The following TNNI3K variants were observed in gnomAD, a reference collection of about 807,000 sequenced individuals.
TNNI3K encodes the protein TNNI3 interacting kinase, also known as serine/threonine-protein kinase TNNI3K.
Under a neutral mutation model 114.5 loss-of-function variants are expected in TNNI3K, and 140 were observed. The observed-to-expected ratio is 1.22, with a 90% CI of 1.07 to 1.41. The LOEUF is 1.41. TNNI3K is among the 40% of genes most tolerant of loss of function. The pLI is 0.00. For synonymous variants in TNNI3K, 347 were observed against 347.5 expected, an observed-to-expected ratio of 1.00 and a Z score of 0.02; for missense variants, 1,125 against 1,007.6, an observed-to-expected ratio of 1.12 and a Z score of -1.58.
chr1:74,512,173 G>T (rs1670261611), intron 23 of TNNI3K, among the ~76,000 whole-genome samples: 1 of 152,122 alleles, frequency 6.6e-6, no homozygotes, highest in Non-Finnish European at 1.5e-5. Flanking sequence ...AACCTGTGAG[G>T]GACCATAAAG....
At position 74,481,025 on chromosome 1, in the gene TNNI3K, G is replaced by T. The variant is rs377374979; in HGVS notation, c.2122-8164G>T. The stretch of plus-strand genomic sequence containing the variant: ...GGTACACATGAGTGGGAGGGAGGGG[G>T]TATGGTGGAGAGCAGAGAATCAATA... On this transcript the variant is annotated intron_variant, in intron 21 of 24. Transcript: ENST00000326637. 1.1e-5 allele frequency: 7 copies of T among 648,928 alleles called. No homozygotes were observed. The Admixed American group carries it at 1.2e-4, about 11-fold the overall frequency. The allele number at this position is 648,928 out of a possible 1,614,324, so 40.2% of individuals were successfully genotyped here. A position where few individuals can be genotyped will look rare whatever the true frequency, so the allele number is the denominator to read the frequency against.
intron 20 of TNNI3K, among the ~76,000 whole-genome samples, chr1:74,440,201 G>A (rs1459340327): frequency 6.6e-6 from 1 of 151,896 alleles, no homozygotes; most frequent in Non-Finnish European, 1.5e-5. Context: ...GTGAAGGTGA[G>A]GAATCTAATC....
chr1:74,483,423 T>C, intron 21 of TNNI3K: 1 of 704,264 alleles, frequency 1.4e-6, no homozygotes, highest in Non-Finnish European at 2.7e-6. Flanking sequence ...TGGCATTCAC[T>C]GTCCATTATT....
At chr1:74,543,199 T>A (rs539568729) in intron 24 of TNNI3K, among the ~76,000 whole-genome samples, 1 of 149,840 alleles carries the variant, frequency 6.7e-6, no homozygotes, top group East Asian at 2.1e-4. Flanking sequence ...CTCAGCCTCC[T>A]GAGTAGCTGA....
Position 74,529,872 on chromosome 1 carries a change from AC to A in TNNI3K, c.2352-10360del, listed in dbSNP as rs556453972. 2.8e-3 allele frequency among the ~76,000 whole-genome samples: 426 copies of A among 152,270 alleles called. 3 individuals are homozygous for A. Among genetic ancestry groups the A allele is most frequent in the African/African-American group, 9.6e-3 (398 of 41,552 alleles). On this transcript the variant is annotated intron_variant, in intron 23 of 24. Coordinates refer to ENST00000326637, the MANE Select transcript of TNNI3K (RefSeq NM_015978.3). Reference sequence around the variant, plus strand: ...CCCTGGATGACCCCACCCCTTGTGAACCAGGGCTTGTTCTTCATTTTCTCTG... The same window carrying A: ...CCCTGGATGACCCCACCCCTTGTGAACAGGGCTTGTTCTTCATTTTCTCTG...
At chr1:74,541,887 C>T (rs961139124) in intron 24 of TNNI3K, among the ~76,000 whole-genome samples, 6 of 152,274 alleles carry the variant, frequency 3.9e-5, no homozygotes, top group East Asian at 1.9e-4. Flanking sequence ...ATAAACTGAT[C>T]GCAATATAAC....
intron 21 of TNNI3K, among the ~76,000 whole-genome samples, chr1:74,483,920 A>T (rs948816101): frequency 6.6e-6 from 1 of 152,206 alleles, no homozygotes; most frequent in Non-Finnish European, 1.5e-5. Context: ...TGATGTCAAG[A>T]TTAAGCTCAC....
At chr1:74,455,912 TTACCAGC>T (rs1049669417) in intron 20 of TNNI3K, among the ~76,000 whole-genome samples, 7 of 152,208 alleles carry the variant, frequency 4.6e-5, no homozygotes, top group African/African-American at 1.7e-4. Flanking sequence ...AAATAACAGT[TTACCAGC>T]TATCTGGGTA....
chr1:74,363,987 T>TATTATC (rs1241932774), intron 11 of TNNI3K, among the ~76,000 whole-genome samples: 3 of 145,960 alleles, frequency 2.1e-5, no homozygotes, highest in African/African-American at 7.5e-5. Flanking sequence ...TTATTATTAT[T>TATTATC]ATTATTATTA....
At chr1:74,523,394 A>G (rs1313468348) in intron 23 of TNNI3K, among the ~76,000 whole-genome samples, 3 of 151,662 alleles carry the variant, frequency 2.0e-5, no homozygotes, top group Non-Finnish European at 4.4e-5. Context: ...TTTTTCCTTT[A>G]TTGTGTTTGT....
intron 22 of TNNI3K, among the ~76,000 whole-genome samples, chr1:74,491,042 G>A (rs148872114): frequency 1.3e-5 from 2 of 152,082 alleles, no homozygotes; most frequent in African/African-American, 4.8e-5. Flanking sequence ...ATGGCAAAGT[G>A]GTATCCAGTT....
intron 5 of TNNI3K, among the ~76,000 whole-genome samples, chr1:74,329,919 G>A (rs1660108878): frequency 6.6e-6 from 1 of 152,016 alleles, no homozygotes. Flanking sequence ...TAGGACATAA[G>A]TCCCTTGAGC....
chr1:74,328,801 G>A (rs1660049880), intron 5 of TNNI3K, among the ~76,000 whole-genome samples: 1 of 152,090 alleles, frequency 6.6e-6, no homozygotes, highest in African/African-American at 2.4e-5. Flanking sequence ...AGTTGTGGAA[G>A]CATGCCTAAG....
At chr1:74,303,520 T>A (rs1258360887) in intron 5 of TNNI3K, among the ~76,000 whole-genome samples, 2 of 152,062 alleles carry the variant, frequency 1.3e-5, no homozygotes, top group Admixed American at 6.6e-5. Context: ...GGAAAAAAAA[T>A]TCAATTCAAA....
At chr1:74,460,109 T>A (rs1282760992) in intron 20 of TNNI3K, among the ~76,000 whole-genome samples, 1 of 151,920 alleles carries the variant, frequency 6.6e-6, no homozygotes, top group African/African-American at 2.4e-5. Context: ...GGAGTCTTGC[T>A]CTGTCGCCCA....
chr1:74,390,947 A>G (rs1363127951), intron 17 of TNNI3K, among the ~76,000 whole-genome samples: 10 of 116,652 alleles, frequency 8.6e-5, no homozygotes. Flanking sequence ...TAGGAATGAA[A>G]AAAATATATT....
chr1:74,367,451 G>T lies in TNNI3K; in HGVS notation c.1264+109G>T, dbSNP rs1330461652. The stretch of plus-strand genomic sequence containing the variant: ...TTCAGGGGTTAGGGAGGAGGGCATA[G>T]CCTATGTCAGATTAGATTTATTTTA... On this transcript the variant is annotated intron_variant, in intron 12 of 24. Transcript: ENST00000326637. 1.4e-5 allele frequency: 16 copies of T among 1,131,186 alleles called. No homozygotes were observed. The South Asian group carries it at 2.5e-4, about 18-fold the overall frequency. 70.1% of individuals were successfully genotyped at this position (1,131,186 alleles called of 1,614,324 possible).
At chr1:74,285,457 T>G (rs893877820) in intron 5 of TNNI3K, among the ~76,000 whole-genome samples, 3 of 152,200 alleles carry the variant, frequency 2.0e-5, no homozygotes, top group Non-Finnish European at 2.9e-5. Context: ...AAAGCCCAGA[T>G]GAAATGCCAC....
intron 17 of TNNI3K, among the ~76,000 whole-genome samples, chr1:74,397,032 CAG>C (rs1272813043): frequency 6.6e-6 from 1 of 152,096 alleles, no homozygotes; most frequent in Non-Finnish European, 1.5e-5. Flanking sequence ...ACCCTGAAGG[CAG>C]GGGAAAGCCA....
Sources: gnomAD v4.1 joint callset for allele counts (sites outside exome capture counted in the v4.1 genomes callset) on GRCh38, gnomAD v4.1.1 for gene constraint, MANE v1.5 for transcripts, NCBI Gene and HGNC (gene_info 2026-07-23, HGNC 2026-07-21) for gene names.